The following PLEKHM2 variants were observed in gnomAD, a reference collection of about 807,000 sequenced individuals.
PLEKHM2 encodes the protein pleckstrin homology domain-containing family M member 2.
In PLEKHM2, 77 loss-of-function variants were observed where a neutral mutation model predicts 116.3. The ratio of observed to expected loss-of-function variants is 0.66; its 90% CI spans 0.55 to 0.80. The LOEUF (loss-of-function observed/expected upper bound fraction) is 0.80, where lower values mean the gene tolerates loss of function less well. PLEKHM2 is among the 30% of genes least tolerant of loss of function. The probability of loss-of-function intolerance (pLI) is 0.00; values close to 1 mark genes in which losing one functional copy is unlikely to be tolerated. For synonymous variants in PLEKHM2, 562 were observed against 571.0 expected, an observed-to-expected ratio of 0.98 and a Z score of 0.22; for missense variants, 1,183 against 1,354.9, an observed-to-expected ratio of 0.87 and a Z score of 1.99.
chr1:15,689,700 C>T (rs1303231013), intron 1 of PLEKHM2, among the ~76,000 whole-genome samples: 1 of 152,216 alleles, frequency 6.6e-6, no homozygotes, highest in Non-Finnish European at 1.5e-5. Context: ...TACTTGCAAG[C>T]GTCTCTGTGG....
chr1:15,713,112 T>G (rs545910849), intron 1 of PLEKHM2, among the ~76,000 whole-genome samples: 30 of 152,000 alleles, frequency 2.0e-4, no homozygotes, highest in Admixed American at 7.9e-4. Context: ...ATTTTTAATT[T>G]TTTGTTTGTT....
chr1:15,689,103 C>T (rs554338446), intron 1 of PLEKHM2, among the ~76,000 whole-genome samples: 9 of 152,072 alleles, frequency 5.9e-5, no homozygotes, highest in Admixed American at 5.2e-4. Flanking sequence ...ACAAAATTAG[C>T]TAGGTGTGGT....
chr1:15,705,496 G>A (rs1641207886), intron 1 of PLEKHM2, among the ~76,000 whole-genome samples: 1 of 151,948 alleles, frequency 6.6e-6, no homozygotes, highest in East Asian at 1.9e-4. Context: ...CATAGATGTC[G>A]GATAGGTGTT....
chr1:15,728,983 T>C lies in PLEKHM2; in HGVS notation c.1987-119T>C. 1 of 954,058 alleles carries C rather than the reference T, an allele frequency of 1.0e-6. No homozygotes were observed. Among genetic ancestry groups the C allele is most frequent in the Non-Finnish European group, 1.6e-6 (1 of 615,846 alleles). The allele number at this position is 954,058 out of a possible 1,614,324, so 59.1% of individuals were successfully genotyped here. The stretch of plus-strand genomic sequence containing the variant: ...CAGCCCCTGGCCTCTGGGGCTTTAC[T>C]TGGTGGTGGCCCGGGGTGTGCTTCT... On this transcript the variant is annotated intron_variant, in intron 12 of 19. Coordinates refer to ENST00000375799, the MANE Select transcript of PLEKHM2 (RefSeq NM_015164.4). The surrounding 1 kb of genome is among the most constrained non-coding windows in gnomAD (Gnocchi z 5.9).
intron 1 of PLEKHM2, among the ~76,000 whole-genome samples, chr1:15,684,892 G>C (rs970476726): frequency 2.0e-5 from 3 of 152,086 alleles, no homozygotes; most frequent in Non-Finnish European, 1.5e-5. Flanking sequence ...AGAGGGGTCA[G>C]CGACCCTCCG....
At position 15,725,496 on chromosome 1, in the gene PLEKHM2, G is replaced by A. The variant is rs1161474873; in HGVS notation, c.892G>A (p.Ala298Thr). ...VHTTSQEKEE[A>T]QALDPPDACT... Reference sequence around the variant, plus strand: ...CACCACCTCTCAGGAGAAGGAGGAGGCCCAGGCCCTGGACCCGCCGGATGC... The same window carrying A: ...CACCACCTCTCAGGAGAAGGAGGAGACCCAGGCCCTGGACCCGCCGGATGC... The change falls in exon 8 of 20, where the codon GCC becomes ACC. Residue 298 changes from alanine to threonine, a missense_variant. Physicochemically the swap from Ala to Thr is moderately conservative, Grantham distance 58. Coordinates refer to ENST00000375799, the MANE Select transcript of PLEKHM2 (RefSeq NM_015164.4). 34 of 1,580,640 alleles carry A rather than the reference G, an allele frequency of 2.2e-5. No homozygotes were observed. The highest frequency in any genetic ancestry group is 2.8e-5 in the Non-Finnish European group (33 of 1,164,342).
At chr1:15,690,506 G>T (rs1640868408) in intron 1 of PLEKHM2, among the ~76,000 whole-genome samples, 1 of 152,168 alleles carries the variant, frequency 6.6e-6, no homozygotes, top group South Asian at 2.1e-4. Flanking sequence ...GTGTGGCTTT[G>T]TTCCAATAAA....
intron 1 of PLEKHM2, among the ~76,000 whole-genome samples, chr1:15,708,010 G>A (rs890461662): frequency 6.6e-6 from 1 of 151,946 alleles, no homozygotes; most frequent in Non-Finnish European, 1.5e-5. Flanking sequence ...TCAGCCTCCC[G>A]AGTAGCTGAG....
At chr1:15,706,770 AT>A (rs1486284623) in intron 1 of PLEKHM2, among the ~76,000 whole-genome samples, 1 of 151,306 alleles carries the variant, frequency 6.6e-6, no homozygotes, top group East Asian at 1.9e-4. Context: ...ACCCTGCTTC[AT>A]TTTTTTCATA....
intron 1 of PLEKHM2, among the ~76,000 whole-genome samples, chr1:15,706,043 T>C (rs553273059): frequency 6.6e-6 from 1 of 152,236 alleles, no homozygotes; most frequent in Non-Finnish European, 1.5e-5. Context: ...ATCGCGCCAT[T>C]GCACTCCAGC....
At chr1:15,720,455 C>G in intron 6 of PLEKHM2, 19 of 985,258 alleles carry the variant, frequency 1.9e-5, no homozygotes, top group Non-Finnish European at 2.3e-5. Context: ...ATGGTCGCAC[C>G]CTTTGCATCA....
chr1:15,716,000 C>T (rs1021965600), intron 1 of PLEKHM2, among the ~76,000 whole-genome samples: 1 of 152,198 alleles, frequency 6.6e-6, no homozygotes, highest in Admixed American at 6.5e-5. Flanking sequence ...TGTCACTGTG[C>T]GGACTGCTGA....
Position 15,731,227 on chromosome 1 carries a change from A to G in PLEKHM2, c.2435A>G (p.Asp812Gly). ...CTCTACCAGTACCCGGACCGCACCG[A>G]CGTCATCCCTCTGCTCTCGGTGAAC... ...GILYQYPDRT[D>G]VIPLLSVNMG... is the part of the protein sequence containing the mutation. Residue 812 changes from aspartate to glycine, a missense_variant, in exon 16 of 20, where the codon GAC (aspartate) becomes GGC (glycine). This residue lies in a region of PLEKHM2 where 594 missense variants were observed against 720.1 expected (regional missense o/e 0.82). Transcript: ENST00000375799. 5 of 1,598,602 alleles carry G rather than the reference A, an allele frequency of 3.1e-6. No individual in the cohort carries two copies. Among genetic ancestry groups the G allele is most frequent in the African/African-American group, 1.3e-5 (1 of 74,624 alleles).
At chr1:15,686,648 ATT>A (rs1233033159) in intron 1 of PLEKHM2, among the ~76,000 whole-genome samples, 17 of 134,156 alleles carry the variant, frequency 1.3e-4, no homozygotes, top group African/African-American at 2.1e-4. Flanking sequence ...ACCCGGCTAA[ATT>A]TTTTTTTTTT....
rs34859842 is a variant in PLEKHM2 at position 15,715,894 on chromosome 1, T to C, written c.61-343T>C. On this transcript the variant is annotated intron_variant, in intron 1 of 19. Transcript: ENST00000375799. ...GCATTGGTCTAGACAGCACTGTACA[T>C]AGTGCCCCTGAAGTTGTGCCATGCT... 0.22 allele frequency among the ~76,000 whole-genome samples: 33,701 copies of C among 152,184 alleles called. 4,251 individuals carry two copies. Among genetic ancestry groups the C allele is most frequent in the African/African-American group, 0.33 (13,790 of 41,504 alleles).
chr1:15,701,448 GA>G (rs888532865), intron 1 of PLEKHM2, among the ~76,000 whole-genome samples: 20 of 141,888 alleles, frequency 1.4e-4, no homozygotes, highest in South Asian at 1.1e-3. Flanking sequence ...AAAGAAAAAA[GA>G]AAAAAAAAAG....
At chr1:15,685,541 G>GAAAAAAAAAAAAAAAAAAAA (rs200301672) in intron 1 of PLEKHM2, among the ~76,000 whole-genome samples, 74 of 73,236 alleles carry the variant, frequency 1.0e-3, no homozygotes, top group Middle Eastern at 7.7e-3. Flanking sequence ...CTCAGAAACT[G>GAAAAAAAAAAAAAAAAAAAA]AAAAAAAAAA....
intron 1 of PLEKHM2, among the ~76,000 whole-genome samples, chr1:15,712,341 G>A (rs34294388): frequency 0.22 from 33,997 of 152,002 alleles, 4,336 homozygotes; most frequent in African/African-American, 0.34. Context: ...TGCAGTGTTG[G>A]CCAGCATGGT....
intron 1 of PLEKHM2, among the ~76,000 whole-genome samples, chr1:15,712,118 C>CA (rs1005404755): frequency 0.24 from 12,077 of 51,042 alleles, 1,399 homozygotes; most frequent in African/African-American, 0.38. Flanking sequence ...GATTCAGTCT[C>CA]AAAAAAAAAA....
Sources: allele counts gnomAD v4.1 joint callset (sites outside exome capture counted in the v4.1 genomes callset), GRCh38; gene constraint gnomAD v4.1.1; regional missense constraint gnomAD v4.1.1; non-coding constraint Gnocchi (gnomAD v3.1); transcripts MANE v1.5; gene names NCBI Gene and HGNC (gene_info 2026-07-23, HGNC 2026-07-21).